Variants in CNTN4 observed in about 807,000 individuals in gnomAD.
CNTN4 encodes the protein contactin-4.
CNTN4 carries 77 observed loss-of-function variants against 122.5 expected under a neutral mutation model. The observed-to-expected ratio is 0.63, with a 90% confidence interval of 0.52 to 0.76. The LOEUF (loss-of-function observed/expected upper bound fraction) is 0.76, where lower values mean the gene tolerates loss of function less well. Among genes scored for constraint, CNTN4 ranks in the 30% least tolerant of loss-of-function variants. The pLI, the probability that CNTN4 is intolerant of heterozygous loss-of-function variation, is 0.00. For synonymous variants in CNTN4, 512 were observed against 447.0 expected (o/e 1.15, Z -1.83); for missense variants, 1,256 against 1,259.1 (o/e 1.00, Z 0.04).
chr3:2,379,835 A>G (rs943060848), intron 3 of CNTN4, among the ~76,000 whole-genome samples: 2 of 152,122 alleles, frequency 1.3e-5, no homozygotes, highest in African/African-American at 4.8e-5. Flanking sequence ...TGGGCGGATT[A>G]TCTGAGGTGG....
At chr3:2,945,546 T>C (rs190706809) in intron 13 of CNTN4, among the ~76,000 whole-genome samples, 91 of 152,314 alleles carry the variant, frequency 6.0e-4, no homozygotes, top group African/African-American at 1.9e-3. Flanking sequence ...CTCTCAGCCT[T>C]TATCCTCTCT....
chr3:2,181,279 C>T (rs1175332387), intron 2 of CNTN4, among the ~76,000 whole-genome samples: 2 of 151,958 alleles, frequency 1.3e-5, no homozygotes, highest in African/African-American at 4.8e-5. Context: ...TTTTTAGAAG[C>T]CCCCAAATGT....
chr3:2,994,751 T>C (rs1006034450), intron 14 of CNTN4, among the ~76,000 whole-genome samples: 4 of 152,158 alleles, frequency 2.6e-5, no homozygotes, highest in African/African-American at 9.7e-5. Flanking sequence ...ATAGACGCAA[T>C]AAAGTAGAGT....
intron 2 of CNTN4, among the ~76,000 whole-genome samples, chr3:2,114,278 C>T (rs1012939503): frequency 4.6e-5 from 7 of 151,690 alleles, no homozygotes; most frequent in African/African-American, 1.7e-4. Flanking sequence ...CATGGCAAAA[C>T]CCCATCTCAA....
intron 4 of CNTN4, among the ~76,000 whole-genome samples, chr3:2,661,972 T>C (rs542939235): frequency 6.6e-6 from 1 of 152,246 alleles, no homozygotes; most frequent in Non-Finnish European, 1.5e-5. Context: ...AAAAAATTCA[T>C]GTTAACCTTC....
At chr3:2,571,058 CT>C (rs35585419) in intron 3 of CNTN4, among the ~76,000 whole-genome samples, 107,518 of 151,618 alleles carry the variant, frequency 0.71, 38,461 homozygotes, top group East Asian at 0.91. Flanking sequence ...TCTGTATTTG[CT>C]TTTTTTTTAA....
chr3:2,737,936 G>C (rs889335130), intron 5 of CNTN4, among the ~76,000 whole-genome samples: 11 of 152,150 alleles, frequency 7.2e-5, no homozygotes, highest in African/African-American at 2.7e-4. Context: ...CAACCGAAAA[G>C]AATTTGTAAA....
chr3:2,213,957 G>A (rs954967329), intron 2 of CNTN4, among the ~76,000 whole-genome samples: 2 of 152,138 alleles, frequency 1.3e-5, no homozygotes, highest in Non-Finnish European at 2.9e-5. Context: ...AATTAGGATA[G>A]AAAATGCTTG....
intron 2 of CNTN4, among the ~76,000 whole-genome samples, chr3:2,196,397 T>G (rs1468209773): frequency 6.6e-6 from 1 of 152,354 alleles, no homozygotes; most frequent in African/African-American, 2.4e-5. Flanking sequence ...TCTGAGAACA[T>G]ATTTGTTCTT....
intron 3 of CNTN4, among the ~76,000 whole-genome samples, chr3:2,347,437 A>G (rs2044441019): frequency 7.5e-6 from 1 of 133,212 alleles, no homozygotes; most frequent in Non-Finnish European, 1.6e-5. Flanking sequence ...TTGGAGACAT[A>G]ATCTCGCTGT....
chr3:2,117,628 A>G lies in CNTN4; in HGVS notation c.-145+16989A>G, dbSNP rs183682849. 1.8e-3 allele frequency among the ~76,000 whole-genome samples: 279 copies of G among 152,322 alleles called. 3 individuals carry two copies. The highest frequency in any genetic ancestry group is 0.01 in the South Asian group (50 of 4,828). On this transcript the variant is annotated intron_variant, in intron 2 of 24. Transcript: ENST00000418658. ...GCTACCCAGTAGCTGCCAGCCATTC[A>G]TCCGCTAATTAGCATACAAAAGATT...
intron 4 of CNTN4, among the ~76,000 whole-genome samples, chr3:2,633,883 A>G (rs1429839121): frequency 6.6e-6 from 1 of 152,254 alleles, no homozygotes; most frequent in Non-Finnish European, 1.5e-5. Flanking sequence ...AGAGTAAAGT[A>G]GTATAGTGGA....
intron 3 of CNTN4, among the ~76,000 whole-genome samples, chr3:2,488,405 T>C (rs926005295): frequency 6.6e-6 from 1 of 152,118 alleles, no homozygotes; most frequent in African/African-American, 2.4e-5. Flanking sequence ...AATATGTGTA[T>C]GTTTGGTAAA....
At chr3:2,513,991 A>G (rs1035081742) in intron 3 of CNTN4, among the ~76,000 whole-genome samples, 4 of 152,220 alleles carry the variant, frequency 2.6e-5, no homozygotes, top group African/African-American at 7.2e-5. Flanking sequence ...TTGCATGCAT[A>G]CAAATCTACC....
At chr3:2,884,465 T>C (rs541074721) in intron 9 of CNTN4, among the ~76,000 whole-genome samples, 83 of 152,302 alleles carry the variant, frequency 5.4e-4, no homozygotes, top group South Asian at 3.5e-3. Flanking sequence ...TGAAAACTTA[T>C]CATATTAAAT....
At position 2,098,961 on chromosome 3, in the gene CNTN4, C is replaced by T. The variant is rs2031636264; in HGVS notation, c.-244C>T. Reference sequence around the variant, plus strand: ...GCCGCACCCGAGGCTCTCGCCAGCCCGGCGCCCCGGTGCTGAGGTAAGTGA... The same window carrying T: ...GCCGCACCCGAGGCTCTCGCCAGCCTGGCGCCCCGGTGCTGAGGTAAGTGA... On this transcript the variant is annotated 5_prime_UTR_variant, in exon 1 of 25. Coordinates refer to ENST00000418658, the MANE Select transcript of CNTN4 (RefSeq NM_175607.3). 6.6e-6 allele frequency: 1 copy of T among 152,252 alleles called. No individual in the cohort carries two copies. The highest frequency in any genetic ancestry group is 6.5e-5 in the Admixed American group (1 of 15,284). The allele number at this position is 152,252 out of a possible 1,614,324, so 9.4% of individuals were successfully genotyped here.
At chr3:2,362,480 T>C (rs1206819828) in intron 3 of CNTN4, 1 of 484,358 alleles carries the variant, frequency 2.1e-6, no homozygotes, top group Non-Finnish European at 4.1e-6. Context: ...TAGCAGTGTC[T>C]TGTGTTCCCT....
chr3:3,040,726 G>A (rs895114366), intron 20 of CNTN4, among the ~76,000 whole-genome samples: 6 of 152,038 alleles, frequency 3.9e-5, no homozygotes, highest in Admixed American at 6.6e-5. Context: ...TTGGGAGTTC[G>A]GGACCAGCCT....
At chr3:2,805,831 T>C (rs2092453315) in intron 6 of CNTN4, among the ~76,000 whole-genome samples, 1 of 152,210 alleles carries the variant, frequency 6.6e-6, no homozygotes, top group African/African-American at 2.4e-5. Flanking sequence ...GAATGTTGAT[T>C]GGGTGATCAC....
Sources: gnomAD v4.1 joint callset for allele counts (sites outside exome capture counted in the v4.1 genomes callset) on GRCh38, gnomAD v4.1.1 for gene constraint, MANE v1.5 for transcripts, NCBI Gene and HGNC (gene_info 2026-07-23, HGNC 2026-07-21) for gene names.